DNAH5: variants seen among roughly 807,000 people sequenced by gnomAD.
DNAH5 encodes the protein dynein axonemal heavy chain 5, also known as axonemal beta dynein heavy chain 5.
In DNAH5, 372 loss-of-function variants were observed where a neutral mutation model predicts 518.2. The ratio of observed to expected loss-of-function variants is 0.72; its 90% CI spans 0.66 to 0.78. DNAH5 has a LOEUF of 0.78. Among genes scored for constraint, DNAH5 ranks in the 30% least tolerant of loss-of-function variants. The pLI, the probability that DNAH5 is intolerant of heterozygous loss-of-function variation, is 0.00. For synonymous variants in DNAH5, 2,039 were observed against 2,025.9 expected (o/e 1.01, Z -0.17); for missense variants, 5,523 against 5,687.0 (o/e 0.97, Z 0.93).
In DNAH5 at chr5:13,707,169, A is replaced by T. The variant is rs569085934; in HGVS notation, c.13338+954T>A. On this transcript the variant is annotated intron_variant, in intron 76 of 78. Coordinates refer to ENST00000265104, the MANE Select transcript of DNAH5 (RefSeq NM_001369.3). The surrounding 1 kb of genome is among the most constrained non-coding windows in gnomAD (Gnocchi z 4.0). Reference sequence around the variant, plus strand: ...ACCAACAGACACCGCTGACAGCGGGACGACGTGGAATTTGCTCAGGCATGG... The same window carrying T: ...ACCAACAGACACCGCTGACAGCGGGTCGACGTGGAATTTGCTCAGGCATGG... Among the ~76,000 whole-genome samples, 6 of 152,328 alleles carry T rather than the reference A, an allele frequency of 3.9e-5. No homozygotes were observed. Among genetic ancestry groups the T allele is most frequent in the African/African-American group, 1.4e-4 (6 of 41,586 alleles).
At chr5:13,820,841 A>AAAAG (rs1198738015) in intron 40 of DNAH5, among the ~76,000 whole-genome samples, 30,354 of 137,390 alleles carry the variant, frequency 0.22, 4,075 homozygotes, top group East Asian at 0.5. Flanking sequence ...AAAAAAAAAA[A>AAAAG]AAACACATCA....
At chr5:13,820,841 A>AAAAAAAG (rs1198738015) in intron 40 of DNAH5, among the ~76,000 whole-genome samples, 1 of 137,558 alleles carries the variant, frequency 7.3e-6, no homozygotes, top group Non-Finnish European at 1.5e-5. Context: ...AAAAAAAAAA[A>AAAAAAAG]AAACACATCA....
In DNAH5 at chr5:13,823,958, A is replaced by G. The variant is rs1378033930; in HGVS notation, c.6579+241T>C. ...GATTCAAGGTATTTGGCATCTTAAC[A>G]TGTGTATTTTTTAAAATCCACTGCA... is the stretch of plus-strand genomic sequence containing the variant. On this transcript the variant is annotated intron_variant, in intron 39 of 78. Transcript: ENST00000265104. 2.0e-5 allele frequency among the ~76,000 whole-genome samples: 3 copies of G among 152,178 alleles called. No homozygotes were observed. The East Asian group carries it at 5.8e-4, about 29-fold the overall frequency.
At chr5:13,722,515 A>G (rs1222100730) in intron 70 of DNAH5, among the ~76,000 whole-genome samples, 2 of 126,444 alleles carry the variant, frequency 1.6e-5, no homozygotes, top group East Asian at 2.3e-4. Flanking sequence ...GAGAGGTACA[A>G]TGGGTGCCAC....
In DNAH5 at chr5:13,780,845, G is replaced by A; in HGVS notation, c.8935C>T (p.Gln2979Ter). The stretch of plus-strand genomic sequence containing the variant: ...GGTTGTCACCTCGTCAGAGTGATCT[G>A]GAAGGAAACGTAGCCAGCAATGAAT... ...ASFIAGYVSFQITLTRSYNTS... is the reference protein window; with the variant it reads ...ASFIAGYVSF Residue 2979 changes from glutamine (Q) to a stop codon, truncating the protein, a stop_gained, in exon 53 of 79, where the codon CAG (glutamine) becomes TAG (stop). Coordinates refer to ENST00000265104, the MANE Select transcript of DNAH5 (RefSeq NM_001369.3). LOFTEE classifies it high-confidence loss of function. 6.2e-7 allele frequency: 1 copy of A among 1,613,628 alleles called. No individual in the cohort carries two copies.
intron 24 of DNAH5, among the ~76,000 whole-genome samples, chr5:13,868,922 G>A (rs1198013685): frequency 6.6e-6 from 1 of 152,170 alleles, no homozygotes; most frequent in Non-Finnish European, 1.5e-5. Context: ...ACTAAGTTAT[G>A]TCTTCCGAAT....
At chr5:13,731,689 C>T (rs1006883661) in intron 68 of DNAH5, among the ~76,000 whole-genome samples, 13 of 152,146 alleles carry the variant, frequency 8.5e-5, no homozygotes, top group African/African-American at 2.7e-4. Context: ...GAGTTTTTAC[C>T]GTAATACTTT....
At chr5:13,810,371 A>G (rs1395146210) in intron 44 of DNAH5, 111 bp from the exon 45 acceptor site, 1 of 900,288 alleles carries the variant, frequency 1.1e-6, no homozygotes, top group African/African-American at 1.7e-5. Context: ...TTGCCCTCCA[A>G]GAACAAGGGA....
In DNAH5 at chr5:13,810,420, C is replaced by G. The variant is rs31238; in HGVS notation, c.7408-160G>C. The G allele has an allele frequency of 0.81, 582,234 of 720,052 alleles. 237,425 individuals are homozygous for G. Among genetic ancestry groups the G allele is most frequent in the African/African-American group, 0.91 (51,479 of 56,812 alleles). 44.6% of individuals were successfully genotyped at this position (720,052 alleles called of 1,614,324 possible). A position where few individuals can be genotyped will look rare whatever the true frequency, so the allele number is the denominator to read the frequency against. On this transcript the variant is annotated intron_variant, in intron 44 of 78. Coordinates refer to ENST00000265104, the MANE Select transcript of DNAH5 (RefSeq NM_001369.3). ...ACTGGAGAACAAATGAAGAACTGAT[C>G]TCTGAGAATAGCAAGCTGCCTTTAA...
rs754445418 is a variant in DNAH5, at chr5:13,871,712, C to G, written c.3450G>C (p.Lys1150Asn). The change falls in exon 23 of 79, where the codon AAG (lysine) becomes AAC (asparagine). Residue 1150 changes from lysine (K) to asparagine (N), a missense_variant. By Grantham distance (94) the Lys-to-Asn change is moderately conservative (BLOSUM62 0). Around this residue, in one of 3 missense-constraint regions of DNAH5, gnomAD observed 5,121 missense variants for 5,223.3 expected, o/e 0.98. Transcript: ENST00000265104. ...ATGTCTTAATGGCTTCTTCTTTTCC[C>G]TTTTGCCAAATGTGATTGTAGCGTT... The part of the protein sequence containing the change: ...CFKRYNHIWQ[K>N]GKEEAIKTFI... 6.2e-7 allele frequency: 1 copy of G among 1,613,576 alleles called. No homozygotes were observed. Among genetic ancestry groups the G allele is most frequent in the African/African-American group, 1.3e-5 (1 of 74,894 alleles).
intron 43 of DNAH5, among the ~76,000 whole-genome samples, chr5:13,812,239 A>G (rs1760812546): frequency 6.6e-6 from 1 of 152,210 alleles, no homozygotes; most frequent in Non-Finnish European, 1.5e-5. Flanking sequence ...GAGAAGGCAC[A>G]TATATGGAAA....
intron 73 of DNAH5, 42 bp from the exon 74 acceptor site, chr5:13,716,732 T>G (rs1042885863): frequency 1.4e-6 from 2 of 1,387,798 alleles, no homozygotes; most frequent in Non-Finnish European, 2.0e-6. Context: ...CTGACTACCG[T>G]TGCATTATTA....
intron 59 of DNAH5, 64 bp from the exon 60 acceptor site, chr5:13,762,965 T>C: frequency 1.5e-6 from 2 of 1,347,776 alleles, no homozygotes; most frequent in Non-Finnish European, 1.1e-6. Context: ...ACTTGCATCA[T>C]GCTCTCAATG....
At chr5:13,692,455 G>A (rs531000762) in intron 78 of DNAH5, among the ~76,000 whole-genome samples, 3 of 152,094 alleles carry the variant, frequency 2.0e-5, no homozygotes, top group South Asian at 4.2e-4. Flanking sequence ...CCCTCCACCT[G>A]TTCTCCTTCA....
chr5:13,733,949 GA>G (rs1239530418), intron 68 of DNAH5, among the ~76,000 whole-genome samples: 1 of 151,992 alleles, frequency 6.6e-6, no homozygotes, highest in African/African-American at 2.4e-5. Flanking sequence ...TATACTAGAT[GA>G]ATCTATTTAG....
chr5:13,943,497 T>C (rs1241529814), intron 1 of DNAH5, among the ~76,000 whole-genome samples: 1 of 152,202 alleles, frequency 6.6e-6, no homozygotes, highest in African/African-American at 2.4e-5. Flanking sequence ...GAATAAGCAG[T>C]GCATGGACTG....
chr5:13,701,016 T>TA (rs1216960475), intron 77 of DNAH5, 145 bp from the exon 78 acceptor site: 9 of 972,664 alleles, frequency 9.3e-6, no homozygotes, highest in African/African-American at 4.9e-5. Context: ...ATTCCCTCAT[T>TA]AAAAAAACCA....
chr5:13,891,328 G>A (rs900212835), intron 16 of DNAH5, among the ~76,000 whole-genome samples: 2 of 152,176 alleles, frequency 1.3e-5, no homozygotes, highest in African/African-American at 4.8e-5. Context: ...ACTCTGTAGG[G>A]AGAATGGAAA....
intron 12 of DNAH5, among the ~76,000 whole-genome samples, chr5:13,903,018 G>T (rs757478957): frequency 6.6e-6 from 1 of 152,124 alleles, no homozygotes; most frequent in Non-Finnish European, 1.5e-5. Context: ...TGCACAAACA[G>T]AATTAGTAAC....
Sources: allele counts gnomAD v4.1 joint callset (sites outside exome capture counted in the v4.1 genomes callset), GRCh38; gene constraint gnomAD v4.1.1; regional missense constraint gnomAD v4.1.1; non-coding constraint Gnocchi (gnomAD v3.1); transcripts MANE v1.5; gene names NCBI Gene and HGNC (gene_info 2026-07-23, HGNC 2026-07-21).